CDH13: variants seen among roughly 807,000 people sequenced by gnomAD.
The protein encoded by CDH13 is cadherin-13.
In CDH13, 24 loss-of-function variants were observed where a neutral mutation model predicts 63.8. The ratio of observed to expected loss-of-function variants is 0.38; its 90% CI spans 0.27 to 0.53. The LOEUF (loss-of-function observed/expected upper bound fraction) is 0.53. CDH13 is among the 20% of genes least tolerant of loss of function. The pLI is 0.85. For synonymous variants in CDH13, 503 were observed against 355.3 expected, an observed-to-expected ratio of 1.42 and a Z score of -4.67; for missense variants, 1,049 against 903.1, an observed-to-expected ratio of 1.16 and a Z score of -2.07.
At chr16:82,882,650 T>A (rs548707627) in intron 2 of CDH13, among the ~76,000 whole-genome samples, 1 of 152,298 alleles carries the variant, frequency 6.6e-6, no homozygotes, top group Non-Finnish European at 1.5e-5. Flanking sequence ...CCCTTCCTTC[T>A]TTCCGTTCTC....
intron 6 of CDH13, among the ~76,000 whole-genome samples, chr16:83,412,754 C>T (rs1194874368): frequency 1.3e-5 from 2 of 152,172 alleles, no homozygotes; most frequent in African/African-American, 4.8e-5. Context: ...CCCTTAAGAC[C>T]CAGTGAAAGT....
chr16:83,223,949 A>G (rs1464207092), intron 5 of CDH13, among the ~76,000 whole-genome samples: 1 of 152,266 alleles, frequency 6.6e-6, no homozygotes, highest in South Asian at 2.1e-4. Flanking sequence ...AGCAGTATAC[A>G]CTGAACCCAG....
At chr16:83,129,769 G>A (rs2035971051) in intron 4 of CDH13, among the ~76,000 whole-genome samples, 2 of 152,256 alleles carry the variant, frequency 1.3e-5, no homozygotes, top group African/African-American at 2.4e-5. Context: ...CTGTACAGCA[G>A]CCACCAGTCT....
intron 3 of CDH13, among the ~76,000 whole-genome samples, chr16:83,052,630 A>T (rs1357616593): frequency 1.3e-5 from 2 of 152,096 alleles, no homozygotes; most frequent in African/African-American, 4.8e-5. Context: ...AAATACAAAA[A>T]TTAGCCAGGC....
intron 1 of CDH13, among the ~76,000 whole-genome samples, chr16:82,744,638 C>A (rs1488204425): frequency 6.6e-6 from 1 of 152,084 alleles, no homozygotes; most frequent in Non-Finnish European, 1.5e-5. Context: ...AAAGATCTCC[C>A]CTCCCTACTA....
chr16:82,793,098 G>C (rs1463601365), intron 1 of CDH13, among the ~76,000 whole-genome samples: 2 of 152,202 alleles, frequency 1.3e-5, no homozygotes, highest in African/African-American at 2.4e-5. Flanking sequence ...TAGCACTAAG[G>C]CATTTCAGGG....
chr16:83,643,387 A>G (rs941566005), intron 8 of CDH13, among the ~76,000 whole-genome samples: 2 of 150,210 alleles, frequency 1.3e-5, no homozygotes, highest in Non-Finnish European at 3.0e-5. Context: ...CTACTTTTTT[A>G]TTTACAAACG....
chr16:82,802,564 G>A (rs1263214453), intron 1 of CDH13, among the ~76,000 whole-genome samples: 1 of 152,156 alleles, frequency 6.6e-6, no homozygotes, highest in African/African-American at 2.4e-5. Flanking sequence ...GCATGTGCAT[G>A]ATGTGAGTAG....
intron 3 of CDH13, among the ~76,000 whole-genome samples, chr16:83,086,540 C>A (rs749535529): frequency 6.6e-6 from 1 of 152,294 alleles, no homozygotes; most frequent in East Asian, 1.9e-4. Flanking sequence ...CTTTGTTAGT[C>A]CAAATTGGAT....
intron 5 of CDH13, among the ~76,000 whole-genome samples, chr16:83,274,827 A>T (rs971810151): frequency 1.3e-5 from 2 of 152,188 alleles, no homozygotes; most frequent in African/African-American, 2.4e-5. Context: ...CAAAATGTAT[A>T]AGCAAGCTCC....
intron 11 of CDH13, among the ~76,000 whole-genome samples, chr16:83,754,324 C>T (rs1057194919): frequency 6.6e-6 from 1 of 152,246 alleles, no homozygotes; most frequent in Admixed American, 6.5e-5. Flanking sequence ...TTTCCTGGAG[C>T]CTTTCAGACT....
At chr16:82,635,091 G>C (rs1383718126) in intron 1 of CDH13, among the ~76,000 whole-genome samples, 5 of 152,186 alleles carry the variant, frequency 3.3e-5, no homozygotes, top group Non-Finnish European at 7.3e-5. Flanking sequence ...TAAATATTTT[G>C]CCTAGGTGTT....
chr16:83,024,145 A>G (rs888703223), intron 2 of CDH13, among the ~76,000 whole-genome samples: 2 of 152,200 alleles, frequency 1.3e-5, no homozygotes, highest in African/African-American at 4.8e-5. Context: ...ATGGCAAGGA[A>G]TGTAGTACCA....
At chr16:82,940,382 A>G (rs1240215772) in intron 2 of CDH13, among the ~76,000 whole-genome samples, 1 of 152,178 alleles carries the variant, frequency 6.6e-6, no homozygotes, top group Non-Finnish European at 1.5e-5. Flanking sequence ...ATGAGCTAAT[A>G]AACATCACTG....
intron 2 of CDH13, among the ~76,000 whole-genome samples, chr16:82,976,354 C>T (rs193140872): frequency 1.3e-5 from 2 of 152,240 alleles, no homozygotes; most frequent in Admixed American, 1.3e-4. Context: ...CCTCTTCCTA[C>T]CTTTATTAGA....
At chr16:83,080,275 G>T (rs75042531) in intron 3 of CDH13, among the ~76,000 whole-genome samples, 1 of 152,134 alleles carries the variant, frequency 6.6e-6, no homozygotes, top group Non-Finnish European at 1.5e-5. Context: ...CAGCTGTTTG[G>T]TCCCAATTCG....
rs145346863 is a variant in CDH13, at chr16:83,283,492, G to A, written c.637-61370G>A. Among the ~76,000 whole-genome samples the A allele has an allele frequency of 4.1e-3, 630 of 152,288 alleles. 1 individual carries two copies. Among genetic ancestry groups the A allele is most frequent in the Non-Finnish European group, 6.5e-3 (444 of 68,028 alleles). On this transcript the variant is annotated intron_variant, in intron 5 of 13. Transcript: ENST00000567109. ...TGTAATCCCAACTACTTGGGAGGCT[G>A]AGACATGAGAATCACTTGAACCCAG...
At position 82,983,307 on chromosome 16, in the gene CDH13, G is replaced by A. The variant is rs142929851; in HGVS notation, c.158-48703G>A. ...TCATCTCAGTTTGATAGCTCTCCCC[G>A]CTCCTCCCAGCTTCGTCCCCATTTT... On this transcript the variant is annotated intron_variant, in intron 2 of 13. Coordinates refer to ENST00000567109, the MANE Select transcript of CDH13 (RefSeq NM_001257.5). Among the ~76,000 whole-genome samples the A allele has an allele frequency of 3.4e-3, 515 of 152,064 alleles. 3 individuals are homozygous for A. In the Middle Eastern group the frequency reaches 0.034, roughly 10 times the overall value.
intron 3 of CDH13, among the ~76,000 whole-genome samples, chr16:83,057,151 G>A (rs1297917637): frequency 1.3e-5 from 2 of 152,072 alleles, no homozygotes; most frequent in African/African-American, 4.8e-5. Context: ...ATTTTTAGGA[G>A]AAATGGGGTT....
Sources: gnomAD v4.1 joint callset for allele counts (sites outside exome capture counted in the v4.1 genomes callset) on GRCh38, gnomAD v4.1.1 for gene constraint, MANE v1.5 for transcripts, NCBI Gene and HGNC (gene_info 2026-07-23, HGNC 2026-07-21) for gene names.